ARHGAP32: variants seen among roughly 807,000 people sequenced by gnomAD.
The protein encoded by ARHGAP32 is Rho GTPase activating protein 32.
Under a neutral mutation model 186.5 loss-of-function variants are expected in ARHGAP32, and 51 were observed. The observed-to-expected ratio is 0.27, with a 90% CI of 0.22 to 0.35. The LOEUF is 0.35. ARHGAP32 is among the 10% of genes least tolerant of loss of function. The pLI is 1.00. For synonymous variants in ARHGAP32, 950 were observed against 964.3 expected, an observed-to-expected ratio of 0.99 and a Z score of 0.27; for missense variants, 2,186 against 2,623.5, an observed-to-expected ratio of 0.83 and a Z score of 3.64.
At chr11:129,028,011 C>T (rs990484525) in intron 11 of ARHGAP32, among the ~76,000 whole-genome samples, 32 of 152,200 alleles carry the variant, frequency 2.1e-4, no homozygotes, top group African/African-American at 7.0e-4. Flanking sequence ...CTACTCCCAG[C>T]ACTGACTAAA....
At chr11:129,274,136 C>T (rs367802141) in intron 1 of ARHGAP32, among the ~76,000 whole-genome samples, 25 of 152,284 alleles carry the variant, frequency 1.6e-4, no homozygotes, top group Non-Finnish European at 2.2e-4. Flanking sequence ...CTTCCTCTTA[C>T]TTGTCCTACA....
chr11:129,202,802 T>C (rs758549617), intron 1 of ARHGAP32, among the ~76,000 whole-genome samples: 2 of 152,184 alleles, frequency 1.3e-5, no homozygotes, highest in Non-Finnish European at 2.9e-5. Context: ...CTTTGTCTCA[T>C]TGCTTCCTTT....
At chr11:129,032,164 A>C (rs531148740) in intron 11 of ARHGAP32, among the ~76,000 whole-genome samples, 2 of 152,352 alleles carry the variant, frequency 1.3e-5, no homozygotes, top group South Asian at 4.1e-4. Context: ...CACTGAGTTA[A>C]CATTTGAGCC....
At chr11:129,271,882 T>C (rs892259733) in intron 1 of ARHGAP32, among the ~76,000 whole-genome samples, 7 of 152,062 alleles carry the variant, frequency 4.6e-5, no homozygotes, top group Admixed American at 6.5e-5. Context: ...AACAATTTCA[T>C]TGGAGTGCAA....
rs894723268 is a variant in ARHGAP32, at chr11:128,978,814, C to T, written c.2078G>A (p.Arg693Gln). The change falls in exon 19 of 23, where the codon CGG (arginine) becomes CAG (glutamine). Residue 693 changes from arginine to glutamine, a missense_variant. Arg to Gln is a conservative substitution (Grantham distance 43). Coordinates refer to ENST00000682385, the MANE Select transcript of ARHGAP32 (RefSeq NM_001378024.1). ...SSSVSKRKLQ[R>Q]NESEPSEMKA... ...CATCTCTGAAGGCTCACTCTCATTCCGCTGCAGCTTTCGTTTAGAAACAGA... is the reference window on the plus strand; with the variant it reads ...CATCTCTGAAGGCTCACTCTCATTCTGCTGCAGCTTTCGTTTAGAAACAGA... 13 of 1,613,118 alleles carry T rather than the reference C, an allele frequency of 8.1e-6. No homozygotes were observed. The highest frequency in any genetic ancestry group is 2.2e-5 in the South Asian group (2 of 90,974).
chr11:128,987,005 T>A lies in ARHGAP32; in HGVS notation c.1299-337A>T, dbSNP rs1288509121. Among the ~76,000 whole-genome samples, 3 of 152,206 alleles carry A rather than the reference T, an allele frequency of 2.0e-5. No individual in the cohort carries two copies. In the South Asian group the frequency reaches 6.2e-4, roughly 31 times the overall value. On this transcript the variant is annotated intron_variant, in intron 13 of 22. Coordinates refer to ENST00000682385, the MANE Select transcript of ARHGAP32 (RefSeq NM_001378024.1). ...GCTAATGACTTGAATATCCAATATT[T>A]TGGCAATTCCAGAGACTAGTGTTGA...
intron 2 of ARHGAP32, among the ~76,000 whole-genome samples, chr11:129,163,711 G>A (rs967602379): frequency 2.0e-5 from 3 of 152,054 alleles, no homozygotes; most frequent in Non-Finnish European, 4.4e-5. Flanking sequence ...CCTACTCACA[G>A]TAACCTGAGA....
rs1943387071 is a variant in ARHGAP32 at position 129,155,711 on chromosome 11, AC to A, written c.225+8607del. Among the ~76,000 whole-genome samples the A allele has an allele frequency of 2.6e-5, 4 of 152,184 alleles. No individual in the cohort carries two copies. The South Asian group carries it at 8.3e-4, about 32-fold the overall frequency. ...TAAAAGAAATGTGTCAAAAAAAAAA[AC>A]AAATTGGTTTAAATCTACTGGTGAG... is the stretch of plus-strand genomic sequence containing the variant. On this transcript the variant is annotated intron_variant, in intron 2 of 22. Transcript: ENST00000682385.
chr11:128,978,728 C>A, intron 19 of ARHGAP32, 42 bp downstream of exon 19: 1 of 1,567,600 alleles, frequency 6.4e-7, no homozygotes, highest in South Asian at 1.2e-5. Context: ...AACCGAAGAC[C>A]ATCATGACAG....
chr11:129,193,493 A>C (rs1317294975), upstream of ARHGAP32, among the ~76,000 whole-genome samples: 1 of 98,586 alleles, frequency 1.0e-5, no homozygotes, highest in Non-Finnish European at 1.9e-5. Flanking sequence ...AAAAAAAAAA[A>C]AAAAAAATAT....
intron 17 of ARHGAP32, 139 bp from the exon 18 acceptor site, chr11:128,980,887 G>A (rs571704606): frequency 1.7e-6 from 1 of 596,348 alleles, no homozygotes; most frequent in Non-Finnish European, 2.8e-6. Flanking sequence ...AAACCATAGT[G>A]CTTTATATTA....
chr11:129,058,234 CTCTCTATA>C (rs1160213928), intron 10 of ARHGAP32, among the ~76,000 whole-genome samples: 14 of 135,330 alleles, frequency 1.0e-4, no homozygotes, highest in Admixed American at 3.9e-4. Context: ...CTCTCTCTCT[CTCTCTATA>C]TATATATATA....
At chr11:129,264,579 C>T (rs1038773220) in intron 1 of ARHGAP32, among the ~76,000 whole-genome samples, 3 of 152,120 alleles carry the variant, frequency 2.0e-5, no homozygotes, top group Non-Finnish European at 4.4e-5. Flanking sequence ...TTTGGTGAAA[C>T]AGAATCCTGA....
At chr11:129,031,196 T>A (rs1345474384) in intron 11 of ARHGAP32, among the ~76,000 whole-genome samples, 2 of 152,218 alleles carry the variant, frequency 1.3e-5, no homozygotes, top group Non-Finnish European at 2.9e-5. Context: ...TAAATAAGTA[T>A]CTATATAAAT....
chr11:129,110,339 C>T (rs1942173613), intron 5 of ARHGAP32, among the ~76,000 whole-genome samples: 2 of 152,058 alleles, frequency 1.3e-5, no homozygotes, highest in African/African-American at 4.8e-5. Context: ...GTTCAGGTTA[C>T]AATGCCCTTG....
intron 1 of ARHGAP32, among the ~76,000 whole-genome samples, chr11:129,258,912 G>A (rs1005243486): frequency 6.6e-6 from 1 of 152,024 alleles, no homozygotes; most frequent in African/African-American, 2.4e-5. Flanking sequence ...CAGGTACCAA[G>A]ACAATACAGC....
At chr11:128,981,074 T>G (rs992258549) in intron 17 of ARHGAP32, among the ~76,000 whole-genome samples, 1 of 152,228 alleles carries the variant, frequency 6.6e-6, no homozygotes, top group Admixed American at 6.5e-5. Context: ...CTGTTTTCCT[T>G]TCTTAAAAGA....
In ARHGAP32 at chr11:128,966,454, C is replaced by T. The variant is rs1945223508; in HGVS notation, c.*2453G>A. ...CAAATAACTGAATCCAAAGTTAAGG[C>T]TGTTGCTAGCATGCATTAAATGAAG... On this transcript the variant is annotated 3_prime_UTR_variant, in exon 23 of 23. Transcript: ENST00000682385. The T allele has an allele frequency of 6.6e-6, 1 of 152,162 alleles. No individual in the cohort carries two copies. The highest frequency in any genetic ancestry group is 1.5e-5 in the Non-Finnish European group (1 of 68,034). The allele number at this position is 152,162 out of a possible 1,614,324, so 9.4% of individuals were successfully genotyped here. A position where few individuals can be genotyped will look rare whatever the true frequency, so the allele number is the denominator to read the frequency against.
At chr11:128,980,814 C>T (rs1945687445) in intron 17 of ARHGAP32, 66 bp from the exon 18 acceptor site, 21 of 1,217,544 alleles carry the variant, frequency 1.7e-5, no homozygotes, top group Non-Finnish European at 2.1e-5. Flanking sequence ...TTGTTAGTAT[C>T]TATCTCTCCA....
Sources: allele counts gnomAD v4.1 joint callset (sites outside exome capture counted in the v4.1 genomes callset), GRCh38; gene constraint gnomAD v4.1.1; transcripts MANE v1.5; gene names NCBI Gene and HGNC (gene_info 2026-07-23, HGNC 2026-07-21).